Variants in PRKN observed in about 807,000 individuals in gnomAD.
PRKN encodes the protein E3 ubiquitin-protein ligase parkin.
Under a neutral mutation model 59.5 loss-of-function variants are expected in PRKN, and 56 were observed. The observed-to-expected ratio is 0.94, with a 90% CI of 0.76 to 1.18. The LOEUF (loss-of-function observed/expected upper bound fraction) is 1.18, where lower values mean the gene tolerates loss of function less well. PRKN is among the 50% of genes most tolerant of loss of function. The pLI is 0.00. For missense variants in PRKN, 657 were observed against 596.4 expected, an observed-to-expected ratio of 1.10 and a Z score of -1.06; for synonymous variants, 250 against 222.1, an observed-to-expected ratio of 1.13 and a Z score of -1.12.
intron 2 of PRKN, among the ~76,000 whole-genome samples, chr6:162,300,713 G>A (rs567758574): frequency 9.2e-5 from 14 of 152,084 alleles, no homozygotes; most frequent in South Asian, 2.1e-4. Context: ...AGACCACTGA[G>A]CTGCCACATC....
chr6:162,526,423 G>A lies in PRKN; in HGVS notation c.8-82950C>T, dbSNP rs367584610. Among the ~76,000 whole-genome samples the A allele has an allele frequency of 1.6e-4, 24 of 151,614 alleles. 2 individuals are homozygous for A. Among genetic ancestry groups the A allele is most frequent in the African/African-American group, 5.6e-4 (23 of 41,376 alleles). On this transcript the variant is annotated intron_variant, in intron 1 of 11. Coordinates refer to ENST00000366898, the MANE Select transcript of PRKN (RefSeq NM_004562.3). ...TCCCAGCACTTTGGGAGGCCGAGGC[G>A]GGCAGATCATGAGGTCAGAAGTTCA...
rs542851851 is a variant in PRKN at position 162,565,789 on chromosome 6, GTGAA to G, written c.8-122320_8-122317del. ...TCTGCAACAAAAAGACACAGACTGG[GTGAA>G]TGGATGAAAAAAACAAGACTCATTT... On this transcript the variant is annotated intron_variant, in intron 1 of 11. Transcript: ENST00000366898. Among the ~76,000 whole-genome samples the G allele has an allele frequency of 1.6e-3, 247 of 152,068 alleles. 3 individuals are homozygous for G. The highest frequency in any genetic ancestry group is 5.5e-3 in the African/African-American group (227 of 41,494).
intron 4 of PRKN, among the ~76,000 whole-genome samples, chr6:162,085,992 C>A (rs760399601): frequency 1.3e-5 from 2 of 152,156 alleles, no homozygotes; most frequent in Non-Finnish European, 2.9e-5. Context: ...ATTAGTCCCC[C>A]TAATATTTCC....
intron 1 of PRKN, among the ~76,000 whole-genome samples, chr6:162,486,149 G>C (rs1229478247): frequency 6.6e-6 from 1 of 152,080 alleles, no homozygotes; most frequent in Admixed American, 6.6e-5. Flanking sequence ...CACTCTCCAG[G>C]GGAAAGTGCT....
intron 1 of PRKN, among the ~76,000 whole-genome samples, chr6:162,661,575 T>C (rs1778882625): frequency 6.6e-6 from 1 of 152,194 alleles, no homozygotes; most frequent in African/African-American, 2.4e-5. Context: ...GTTTCTTTAC[T>C]AGAAGTAACC....
At chr6:162,477,795 C>T (rs1472026206) in intron 1 of PRKN, among the ~76,000 whole-genome samples, 1 of 152,160 alleles carries the variant, frequency 6.6e-6, no homozygotes, top group African/African-American at 2.4e-5. Flanking sequence ...TAACCTTTCC[C>T]CTACAGCATC....
intron 4 of PRKN, among the ~76,000 whole-genome samples, chr6:162,118,075 G>A (rs1418885614): frequency 1.3e-5 from 2 of 150,616 alleles, no homozygotes; most frequent in Non-Finnish European, 3.0e-5. Context: ...CAGTCTGGGC[G>A]ACAAGAGTGA....
chr6:162,038,471 C>A (rs1318445142), intron 5 of PRKN, among the ~76,000 whole-genome samples: 1 of 152,136 alleles, frequency 6.6e-6, no homozygotes, highest in Non-Finnish European at 1.5e-5. Flanking sequence ...CTTAAAACAG[C>A]TGTGTATAAT....
chr6:162,312,950 T>A (rs1011959040), intron 2 of PRKN, among the ~76,000 whole-genome samples: 1 of 152,128 alleles, frequency 6.6e-6, no homozygotes, highest in African/African-American at 2.4e-5. Flanking sequence ...GAAGAAAATA[T>A]AATTTGAAGG....
At chr6:162,059,331 G>GAT (rs5881448) in intron 4 of PRKN, among the ~76,000 whole-genome samples, 128,206 of 152,008 alleles carry the variant, frequency 0.84, 54,356 homozygotes, top group African/African-American at 0.92. Context: ...CAGTAAAATA[G>GAT]ATGTTAGTTT....
At chr6:162,389,007 G>GAAAAAA (rs71278564) in intron 2 of PRKN, among the ~76,000 whole-genome samples, 17 of 104,138 alleles carry the variant, frequency 1.6e-4, no homozygotes, top group African/African-American at 5.0e-4. Context: ...AGTTCCTCCA[G>GAAAAAA]AAAAAAAAAA....
intron 7 of PRKN, among the ~76,000 whole-genome samples, chr6:161,585,718 T>C (rs1174380412): frequency 6.6e-6 from 1 of 152,104 alleles, no homozygotes; most frequent in Non-Finnish European, 1.5e-5. Context: ...GCCGTTTGGC[T>C]CTTCCCTAGC....
intron 1 of PRKN, among the ~76,000 whole-genome samples, chr6:162,534,199 CG>C (rs1778627359): frequency 6.6e-6 from 1 of 152,072 alleles, no homozygotes; most frequent in Non-Finnish European, 1.5e-5. Flanking sequence ...CGCCATCTTA[CG>C]CTAGCAGGTT....
chr6:162,395,904 T>A (rs904898546), intron 2 of PRKN, among the ~76,000 whole-genome samples: 1 of 152,224 alleles, frequency 6.6e-6, no homozygotes, highest in Admixed American at 6.5e-5. Context: ...TTAAATTCTG[T>A]CTTCCTCAGT....
intron 6 of PRKN, among the ~76,000 whole-genome samples, chr6:161,788,591 A>T (rs1157065683): frequency 6.6e-6 from 1 of 152,076 alleles, no homozygotes; most frequent in Non-Finnish European, 1.5e-5. Flanking sequence ...TACCTTGAAT[A>T]AAAAATAGGA....
At chr6:162,710,728 T>C (rs1297970174) in intron 1 of PRKN, among the ~76,000 whole-genome samples, 11 of 152,014 alleles carry the variant, frequency 7.2e-5, no homozygotes, top group Admixed American at 2.0e-4. Flanking sequence ...CCCACTATAA[T>C]AGCATCACCT....
chr6:161,876,436 C>A (rs1163835455), intron 6 of PRKN, among the ~76,000 whole-genome samples: 1 of 152,136 alleles, frequency 6.6e-6, no homozygotes, highest in African/African-American at 2.4e-5. Context: ...CCCAGCCACC[C>A]AAGTAGTTGT....
intron 1 of PRKN, among the ~76,000 whole-genome samples, chr6:162,716,338 T>C (rs1311331545): frequency 6.6e-6 from 1 of 152,216 alleles, no homozygotes; most frequent in Non-Finnish European, 1.5e-5. Flanking sequence ...ATTTCGCTCT[T>C]TCGTCCTTCT....
intron 1 of PRKN, among the ~76,000 whole-genome samples, chr6:162,669,099 A>C (rs1779221137): frequency 6.6e-6 from 1 of 152,164 alleles, no homozygotes; most frequent in African/African-American, 2.4e-5. Flanking sequence ...TAAACCTCTA[A>C]AATCCACAGT....
Sources: gnomAD v4.1 joint callset for allele counts (sites outside exome capture counted in the v4.1 genomes callset) on GRCh38, gnomAD v4.1.1 for gene constraint, MANE v1.5 for transcripts, NCBI Gene and HGNC (gene_info 2026-07-23, HGNC 2026-07-21) for gene names.